Variants in RASA3 observed in about 807,000 individuals in gnomAD.
The protein encoded by RASA3 is ras GTPase-activating protein 3.
Under a neutral mutation model 110.0 loss-of-function variants are expected in RASA3, and 73 were observed. That is an observed-to-expected ratio of 0.66 (90% confidence interval 0.55 to 0.81). RASA3 has a LOEUF of 0.81. Ranked by LOEUF, RASA3 falls within the 30% of genes least tolerant of loss-of-function variation. The pLI is 0.00. For synonymous variants in RASA3, 500 were observed against 451.4 expected (o/e 1.11, Z -1.37); for missense variants, 976 against 1,113.2 (o/e 0.88, Z 1.75).
At position 114,112,601 on chromosome 13, in the gene RASA3, C is replaced by T. The variant is rs947084950; in HGVS notation, c.55+19834G>A. The stretch of plus-strand genomic sequence containing the variant: ...ATGCTGGTGCTGCAGGTATGGGGAC[C>T]CCGCTAGGAGAGCCCCGGGTTAAGG... On this transcript the variant is annotated intron_variant, in intron 1 of 23. Coordinates refer to ENST00000334062, the MANE Select transcript of RASA3 (RefSeq NM_007368.4). The surrounding 1 kb of genome is among the most constrained non-coding windows in gnomAD (Gnocchi z 4.8). 1.3e-5 allele frequency among the ~76,000 whole-genome samples: 2 copies of T among 152,040 alleles called. No homozygotes were observed. The highest frequency in any genetic ancestry group is 2.9e-5 in the Non-Finnish European group (2 of 67,994).
intron 1 of RASA3, among the ~76,000 whole-genome samples, chr13:114,082,887 G>A (rs1349671186): frequency 1.3e-5 from 2 of 152,174 alleles, no homozygotes; most frequent in African/African-American, 4.8e-5. Flanking sequence ...AAAATAATGA[G>A]ATACACAGTC....
chr13:114,103,435 C>CG (rs2080084576), intron 1 of RASA3, among the ~76,000 whole-genome samples: 1 of 152,034 alleles, frequency 6.6e-6, no homozygotes, highest in Non-Finnish European at 1.5e-5. Flanking sequence ...GGCTCCCAGA[C>CG]GGGGGACGGG....
intron 1 of RASA3, among the ~76,000 whole-genome samples, chr13:114,120,819 C>T (rs994219574): frequency 2.6e-5 from 4 of 152,254 alleles, no homozygotes; most frequent in African/African-American, 9.6e-5. Flanking sequence ...AGGAGGAACA[C>T]CAGCAATTTC....
At chr13:114,088,909 A>G (rs532582865) in intron 1 of RASA3, among the ~76,000 whole-genome samples, 2 of 152,316 alleles carry the variant, frequency 1.3e-5, no homozygotes, top group African/African-American at 4.8e-5. Flanking sequence ...AATAACAATA[A>G]ATAAGATTAT....
At position 114,014,500 on chromosome 13, in the gene RASA3, C is replaced by T. The variant is rs1027457346; in HGVS notation, c.1405+709G>A. On this transcript the variant is annotated intron_variant, in intron 14 of 23. Coordinates refer to ENST00000334062, the MANE Select transcript of RASA3 (RefSeq NM_007368.4). The surrounding 1 kb of genome is among the most constrained non-coding windows in gnomAD (Gnocchi z 4.5). The stretch of plus-strand genomic sequence containing the variant: ...GCAGCTGTCCCGAGGCCACAGGACA[C>T]GCAAGGAAGAGAGGAGCCGGCAGCA... Among the ~76,000 whole-genome samples the T allele has an allele frequency of 2.4e-4, 36 of 152,270 alleles. No homozygotes were observed. Among genetic ancestry groups the T allele is most frequent in the African/African-American group, 8.2e-4 (34 of 41,556 alleles).
intron 1 of RASA3, among the ~76,000 whole-genome samples, chr13:114,113,286 G>A (rs906711737): frequency 2.6e-5 from 4 of 152,228 alleles, no homozygotes; most frequent in African/African-American, 4.8e-5. Context: ...GGCTCTTCCC[G>A]ACAGGGCCCT....
At chr13:114,091,452 C>T (rs1395725110) in intron 1 of RASA3, among the ~76,000 whole-genome samples, 1 of 151,446 alleles carries the variant, frequency 6.6e-6, no homozygotes, top group Non-Finnish European at 1.5e-5. Context: ...AAATGCTTTT[C>T]CAGCACTGAC....
chr13:114,128,139 A>C (rs2080474498), intron 1 of RASA3, among the ~76,000 whole-genome samples: 2 of 152,356 alleles, frequency 1.3e-5, no homozygotes, highest in Admixed American at 1.3e-4. Context: ...AGTTAATTTT[A>C]GCATTAGGGG....
chr13:114,073,514 C>T (rs1185925543), intron 2 of RASA3, among the ~76,000 whole-genome samples: 6 of 143,136 alleles, frequency 4.2e-5, no homozygotes, highest in Non-Finnish European at 7.5e-5. Context: ...ATTCCCTACA[C>T]GCAGGAAAAC....
At chr13:114,013,454 CCTTT>C (rs1206820468) in intron 14 of RASA3, among the ~76,000 whole-genome samples, 1 of 147,200 alleles carries the variant, frequency 6.8e-6, no homozygotes, top group Non-Finnish European at 1.5e-5. Flanking sequence ...TGTCTCTCCC[CCTTT>C]GTCTCTCTCC....
chr13:114,009,118 C>T lies in RASA3; in HGVS notation c.1668+269G>A, dbSNP rs1020203551. On this transcript the variant is annotated intron_variant, in intron 17 of 23. Transcript: ENST00000334062. Reference sequence around the variant, plus strand: ...CACTGAGGTGGGACGCGCCCTCATTCGGGGGGCTCAGACACAGAACAAGAT... The same window carrying T: ...CACTGAGGTGGGACGCGCCCTCATTTGGGGGGCTCAGACACAGAACAAGAT... Among the ~76,000 whole-genome samples, 11 of 152,200 alleles carry T rather than the reference C, an allele frequency of 7.2e-5. No homozygotes were observed. In the East Asian group the frequency reaches 7.7e-4, roughly 11 times the overall value.
intron 2 of RASA3, among the ~76,000 whole-genome samples, chr13:114,070,259 C>T (rs115684933): frequency 0.019 from 2,853 of 150,958 alleles, 90 homozygotes; most frequent in African/African-American, 0.064. Context: ...CTTGGGGGAC[C>T]GGCCCCAAAG....
chr13:114,072,643 T>G (rs921660969), intron 2 of RASA3, among the ~76,000 whole-genome samples: 1 of 152,182 alleles, frequency 6.6e-6, no homozygotes, highest in South Asian at 2.1e-4. Flanking sequence ...CTACATGCAC[T>G]TCCTGGACAG....
At chr13:114,010,215 T>C (rs2053601637) in intron 16 of RASA3, among the ~76,000 whole-genome samples, 2 of 152,174 alleles carry the variant, frequency 1.3e-5, no homozygotes, top group African/African-American at 2.4e-5. Context: ...GGGCTGCTCC[T>C]CCAGTGGGGG....
Position 114,047,514 on chromosome 13 carries a change from A to G in RASA3, c.277+4538T>C, listed in dbSNP as rs149280185. On this transcript the variant is annotated intron_variant, in intron 3 of 23. Coordinates refer to ENST00000334062, the MANE Select transcript of RASA3 (RefSeq NM_007368.4). Reference sequence around the variant, plus strand: ...GGGTAGTTTTAATGAAAGTAAACACACACCCTACAGTGACCCAGCAACCTC... The same window carrying G: ...GGGTAGTTTTAATGAAAGTAAACACGCACCCTACAGTGACCCAGCAACCTC... Among the ~76,000 whole-genome samples, 911 of 152,366 alleles carry G rather than the reference A, an allele frequency of 6.0e-3. 3 individuals carry two copies. The highest frequency in any genetic ancestry group is 0.018 in the African/African-American group (729 of 41,582).
chr13:114,009,977 A>G (rs1036940414), intron 16 of RASA3, among the ~76,000 whole-genome samples: 5 of 152,172 alleles, frequency 3.3e-5, no homozygotes, highest in Admixed American at 6.5e-5. Context: ...CTCGACCCCA[A>G]GTTCCTGTTG....
At chr13:114,046,451 G>C (rs1446338126) in intron 3 of RASA3, among the ~76,000 whole-genome samples, 1 of 152,224 alleles carries the variant, frequency 6.6e-6, no homozygotes, top group Non-Finnish European at 1.5e-5. Context: ...AGGGTGTTGA[G>C]AGTGGCACCT....
chr13:114,027,503 C>T (rs770889064), intron 6 of RASA3, 42 bp from the exon 7 acceptor site: 1 of 1,471,396 alleles, frequency 6.8e-7, no homozygotes, highest in South Asian at 1.1e-5. Context: ...AACAACACTG[C>T]TGATTCCAAG....
chr13:114,032,386 C>G (rs1171667938), intron 4 of RASA3, among the ~76,000 whole-genome samples: 3 of 152,144 alleles, frequency 2.0e-5, no homozygotes, highest in Non-Finnish European at 2.9e-5. Flanking sequence ...ATGGGCCACA[C>G]GTCGTGATGT....
Sources: allele counts gnomAD v4.1 joint callset (sites outside exome capture counted in the v4.1 genomes callset), GRCh38; gene constraint gnomAD v4.1.1; non-coding constraint Gnocchi (gnomAD v3.1); transcripts MANE v1.5; gene names NCBI Gene and HGNC (gene_info 2026-07-23, HGNC 2026-07-21).